GOLPH3: variants seen among roughly 807,000 people sequenced by gnomAD.
GOLPH3 encodes golgi phosphoprotein 3.
Under a neutral mutation model 28.5 loss-of-function variants are expected in GOLPH3, and 14 were observed. The observed-to-expected ratio is 0.49, with a 90% CI of 0.32 to 0.77. GOLPH3 has a LOEUF of 0.77. GOLPH3 is among the 30% of genes least tolerant of loss of function. The pLI is 0.03. For missense variants in GOLPH3, 350 were observed against 393.7 expected (o/e 0.89, Z 0.94); for synonymous variants, 158 against 159.2 (o/e 0.99, Z 0.06).
chr5:32,141,793 G>A (rs541826505), intron 2 of GOLPH3, among the ~76,000 whole-genome samples: 39 of 152,178 alleles, frequency 2.6e-4, no homozygotes, highest in African/African-American at 5.5e-4. Flanking sequence ...TGGTGGAGAC[G>A]GGGATTCGCT....
chr5:32,148,453 T>A (rs765846528), intron 1 of GOLPH3, among the ~76,000 whole-genome samples: 8 of 152,222 alleles, frequency 5.3e-5, no homozygotes, highest in Non-Finnish European at 8.8e-5. Context: ...ATATTTTCTA[T>A]ATAAGGTTGA....
chr5:32,165,529 G>A (rs901160235), intron 1 of GOLPH3, among the ~76,000 whole-genome samples: 2 of 152,030 alleles, frequency 1.3e-5, no homozygotes, highest in Non-Finnish European at 2.9e-5. Context: ...GTTGAAGTGA[G>A]CATAGATTGC....
At chr5:32,140,814 A>G (rs1440238011) in intron 2 of GOLPH3, among the ~76,000 whole-genome samples, 2 of 151,926 alleles carry the variant, frequency 1.3e-5, no homozygotes, top group Admixed American at 6.6e-5. Context: ...AAAAAAAAAA[A>G]AAAAAGGAAA....
At position 32,135,579 on chromosome 5, in the gene GOLPH3, T is replaced by C. The variant is rs760054182; in HGVS notation, c.465A>G (p.Leu155=). 1.9e-6 allele frequency: 3 copies of C among 1,599,914 alleles called. No homozygotes were observed. The highest frequency in any genetic ancestry group is 1.1e-5 in the South Asian group (1 of 90,426). The change falls in exon 3 of 4, where the codon TTA becomes TTG. Residue 155 remains leucine (L), a synonymous_variant. Coordinates refer to ENST00000265070, the MANE Select transcript of GOLPH3 (RefSeq NM_022130.4). The stretch of plus-strand genomic sequence containing the variant: ...TTATTCACAGCAGCTTACCACTAAG[T>C]AATTCAATCCAGTTCTGGACCGTTT... ...PPETVQNWIE[L]LSGETWNPLK... is the part of the protein sequence containing the mutation.
chr5:32,163,200 C>A (rs1413078595), intron 1 of GOLPH3, among the ~76,000 whole-genome samples: 1 of 152,334 alleles, frequency 6.6e-6, no homozygotes, highest in South Asian at 2.1e-4. Context: ...AAGAACACAG[C>A]AGTCTTGCAG....
chr5:32,146,408 G>A (rs1342606398), intron 1 of GOLPH3, among the ~76,000 whole-genome samples: 1 of 152,168 alleles, frequency 6.6e-6, no homozygotes, highest in African/African-American at 2.4e-5. Context: ...GGAGAGGACA[G>A]AGACACCCCA....
intron 1 of GOLPH3, among the ~76,000 whole-genome samples, chr5:32,163,962 T>C (rs1746649851): frequency 6.6e-6 from 1 of 152,112 alleles, no homozygotes; most frequent in Non-Finnish European, 1.5e-5. Context: ...AGAGTAAAAA[T>C]AACCATTAGC....
chr5:32,145,937 A>G (rs1185209316), intron 1 of GOLPH3, among the ~76,000 whole-genome samples: 3 of 152,288 alleles, frequency 2.0e-5, no homozygotes, highest in South Asian at 2.1e-4. Flanking sequence ...AAACAACAGA[A>G]AAGTACAGTA....
intron 1 of GOLPH3, among the ~76,000 whole-genome samples, chr5:32,156,624 G>T (rs1363349996): frequency 6.6e-6 from 1 of 152,158 alleles, no homozygotes; most frequent in East Asian, 1.9e-4. Flanking sequence ...GCGGCGGGGG[G>T]GATGGTTTTG....
chr5:32,171,303 A>G (rs1374792673), intron 1 of GOLPH3, among the ~76,000 whole-genome samples: 1 of 152,196 alleles, frequency 6.6e-6, no homozygotes, highest in Non-Finnish European at 1.5e-5. Flanking sequence ...TTGCAAAAAA[A>G]ATTTCATAAT....
rs575112655 is a variant in GOLPH3 at position 32,147,643 on chromosome 5, C to T, written c.226-3763G>A. Among the ~76,000 whole-genome samples the T allele has an allele frequency of 5.9e-5, 9 of 151,948 alleles. No homozygotes were observed. In the South Asian group the frequency reaches 1.5e-3, roughly 25 times the overall value. ...TTTCTGTATATAGTAAAGGAAAACT[C>T]GTGGCAAGGAGATAAGTAAGGTTTT... On this transcript the variant is annotated intron_variant, in intron 1 of 3. Transcript: ENST00000265070.
chr5:32,131,817 A>G (rs1337274697), intron 3 of GOLPH3, among the ~76,000 whole-genome samples: 1 of 152,218 alleles, frequency 6.6e-6, no homozygotes, highest in African/African-American at 2.4e-5. Flanking sequence ...TGCAAAGAAC[A>G]CTTATCTTCC....
At chr5:32,145,883 G>A (rs970456050) in intron 1 of GOLPH3, among the ~76,000 whole-genome samples, 2 of 152,122 alleles carry the variant, frequency 1.3e-5, no homozygotes, top group African/African-American at 2.4e-5. Context: ...TCTGGGACTC[G>A]TCAGCAATAT....
chr5:32,137,334 T>C (rs1241737721), intron 2 of GOLPH3, among the ~76,000 whole-genome samples: 1 of 152,068 alleles, frequency 6.6e-6, no homozygotes, highest in African/African-American at 2.4e-5. Flanking sequence ...ATTACATAAA[T>C]TTTTTAAATA....
At chr5:32,169,175 G>A (rs569603123) in intron 1 of GOLPH3, among the ~76,000 whole-genome samples, 2 of 151,914 alleles carry the variant, frequency 1.3e-5, no homozygotes, top group Non-Finnish European at 1.5e-5. Context: ...CTAGCTCCTC[G>A]GGAAGCTGAG....
In GOLPH3 at chr5:32,125,863, A is replaced by G. The variant is rs1359966231; in HGVS notation, c.*349T>C. ...GGCAGAATGCTAGATGTACATGCACATATGGAGAAACTCAAGCTGAGGTCA... is the reference window on the plus strand; with the variant it reads ...GGCAGAATGCTAGATGTACATGCACGTATGGAGAAACTCAAGCTGAGGTCA... On this transcript the variant is annotated 3_prime_UTR_variant, in exon 4 of 4. Transcript: ENST00000265070. 9.3e-6 allele frequency: 2 copies of G among 214,372 alleles called. No homozygotes were observed. Among genetic ancestry groups the G allele is most frequent in the African/African-American group, 4.7e-5 (2 of 43,006 alleles). The allele number at this position is 214,372 out of a possible 1,614,324, so 13.3% of individuals were successfully genotyped here.
intron 2 of GOLPH3, among the ~76,000 whole-genome samples, chr5:32,142,373 G>A (rs1337638018): frequency 1.8e-4 from 25 of 141,882 alleles, no homozygotes; most frequent in Admixed American, 1.2e-3. Flanking sequence ...CCCGGCAGCC[G>A]CCCCGTCTGA....
chr5:32,137,322 T>C (rs1469514221), intron 2 of GOLPH3, among the ~76,000 whole-genome samples: 1 of 152,020 alleles, frequency 6.6e-6, no homozygotes, highest in Non-Finnish European at 1.5e-5. Flanking sequence ...TCAATAGCGT[T>C]GATTACATAA....
intron 1 of GOLPH3, among the ~76,000 whole-genome samples, chr5:32,151,894 C>T (rs1307977814): frequency 6.6e-6 from 1 of 152,160 alleles, no homozygotes; most frequent in Non-Finnish European, 1.5e-5. Context: ...TATGGTTCCA[C>T]ATATATGGGG....
Sources: allele counts gnomAD v4.1 joint callset (sites outside exome capture counted in the v4.1 genomes callset), GRCh38; gene constraint gnomAD v4.1.1; transcripts MANE v1.5; gene names NCBI Gene and HGNC (gene_info 2026-07-23, HGNC 2026-07-21).